The following ITGA9 variants were observed in gnomAD, a reference collection of about 807,000 sequenced individuals.
ITGA9 encodes the protein integrin alpha-9.
In ITGA9, 56 loss-of-function variants were observed where a neutral mutation model predicts 127.8. The ratio of observed to expected loss-of-function variants is 0.44; its 90% CI spans 0.35 to 0.55. The LOEUF is 0.55. Ranked by LOEUF, ITGA9 falls within the 20% of genes least tolerant of loss-of-function variation. ITGA9 has a pLI of 0.00. For missense variants in ITGA9, 1,196 were observed against 1,347.1 expected, an observed-to-expected ratio of 0.89 and a Z score of 1.76; for synonymous variants, 508 against 514.5, an observed-to-expected ratio of 0.99 and a Z score of 0.17.
chr3:37,646,229 T>A (rs1700375061), intron 16 of ITGA9, among the ~76,000 whole-genome samples: 1 of 152,364 alleles, frequency 6.6e-6, no homozygotes, highest in South Asian at 2.1e-4. Flanking sequence ...TTATGTATTA[T>A]CTATGGCTGC....
chr3:37,489,517 C>T (rs1698645159), intron 4 of ITGA9, among the ~76,000 whole-genome samples: 1 of 152,192 alleles, frequency 6.6e-6, no homozygotes, highest in African/African-American at 2.4e-5. Flanking sequence ...TGGCTTTATG[C>T]ACTTTGTGTT....
chr3:37,765,925 T>C lies in ITGA9; in HGVS notation c.2542-11467T>C, dbSNP rs1696775022. 2.0e-5 allele frequency among the ~76,000 whole-genome samples: 3 copies of C among 152,254 alleles called. No homozygotes were observed. In the South Asian group the frequency reaches 6.2e-4, roughly 32 times the overall value. ...AAGCATTAACACTTTGTTGCCAGCA[T>C]GTAGGCTAGTTGAATGCCGATGCGT... On this transcript the variant is annotated intron_variant, in intron 23 of 27. Coordinates refer to ENST00000264741, the MANE Select transcript of ITGA9 (RefSeq NM_002207.3).
intron 27 of ITGA9, among the ~76,000 whole-genome samples, chr3:37,815,606 C>A (rs151286785): frequency 0.025 from 3,470 of 140,762 alleles, 53 homozygotes; most frequent in East Asian, 0.059. Context: ...GAGACTCTGT[C>A]TCAAAAAAAA....
chr3:37,512,488 A>G (rs180780086), intron 8 of ITGA9, among the ~76,000 whole-genome samples: 35 of 152,040 alleles, frequency 2.3e-4, no homozygotes, highest in African/African-American at 8.2e-4. Context: ...CTGGGAGTAC[A>G]GGCGTGAGTC....
At chr3:37,599,981 A>G (rs978416337) in intron 15 of ITGA9, among the ~76,000 whole-genome samples, 8 of 152,172 alleles carry the variant, frequency 5.3e-5, no homozygotes, top group Admixed American at 3.3e-4. Context: ...TAAGGAATGC[A>G]TAGTCAGCTA....
chr3:37,679,895 A>G (rs919990741), intron 17 of ITGA9, among the ~76,000 whole-genome samples: 1 of 152,172 alleles, frequency 6.6e-6, no homozygotes, highest in Non-Finnish European at 1.5e-5. Flanking sequence ...GACAGTCCTC[A>G]ACCAAAAAGC....
chr3:37,514,953 A>C (rs1038241356), intron 9 of ITGA9, among the ~76,000 whole-genome samples: 1 of 140,142 alleles, frequency 7.1e-6, no homozygotes, highest in Non-Finnish European at 1.6e-5. Context: ...TAGCTAATGG[A>C]GGGTGGGTGA....
chr3:37,512,018 CTTTTCTTTTCTTT>C (rs1365580557), intron 8 of ITGA9, among the ~76,000 whole-genome samples: 14 of 33,108 alleles, frequency 4.2e-4, no homozygotes, highest in African/African-American at 7.7e-4. Flanking sequence ...CTTTTCTTTT[CTTTTCTTTTCTTT>C]CTTTCTTTCT....
At chr3:37,786,364 A>G (rs563458177) in intron 26 of ITGA9, among the ~76,000 whole-genome samples, 21 of 152,294 alleles carry the variant, frequency 1.4e-4, no homozygotes, top group African/African-American at 5.1e-4. Context: ...TAGAAAATAA[A>G]TGCTGGGCAG....
At chr3:37,497,629 C>G (rs896021063) in intron 5 of ITGA9, among the ~76,000 whole-genome samples, 87 of 152,142 alleles carry the variant, frequency 5.7e-4, no homozygotes, top group African/African-American at 2.0e-3. Context: ...GTTGGTTGTT[C>G]TGATACTGGT....
chr3:37,707,099 A>G (rs1341184271), intron 18 of ITGA9, among the ~76,000 whole-genome samples: 2 of 152,250 alleles, frequency 1.3e-5, no homozygotes, highest in African/African-American at 4.8e-5. Flanking sequence ...TTATCAGCTA[A>G]GCAAATAAAA....
chr3:37,729,153 C>T (rs965546467), intron 18 of ITGA9, among the ~76,000 whole-genome samples: 5 of 152,042 alleles, frequency 3.3e-5, no homozygotes, highest in Non-Finnish European at 7.4e-5. Flanking sequence ...GTACTGCTTG[C>T]CAAAGCCCAT....
At chr3:37,510,370 C>A (rs542478801) in intron 8 of ITGA9, among the ~76,000 whole-genome samples, 1 of 152,118 alleles carries the variant, frequency 6.6e-6, no homozygotes, top group Non-Finnish European at 1.5e-5. Context: ...CTGTGCCCCC[C>A]CAAACTGCTT....
intron 26 of ITGA9, among the ~76,000 whole-genome samples, chr3:37,798,719 T>TTA (rs1208823184): frequency 6.6e-6 from 1 of 152,246 alleles, no homozygotes; most frequent in African/African-American, 2.4e-5. Flanking sequence ...ATTTATTGCC[T>TTA]TGTAGGGTAT....
At chr3:37,713,879 G>A (rs1701105087) in intron 18 of ITGA9, among the ~76,000 whole-genome samples, 1 of 152,178 alleles carries the variant, frequency 6.6e-6, no homozygotes, top group Non-Finnish European at 1.5e-5. Flanking sequence ...TTTTATTTCT[G>A]GTTGGGAAAC....
At position 37,503,224 on chromosome 3, in the gene ITGA9, C is replaced by A. The variant is rs970338498; in HGVS notation, c.659C>A (p.Thr220Asn). 6.2e-7 allele frequency: 1 copy of A among 1,613,896 alleles called. No homozygotes were observed. Among genetic ancestry groups the A allele is most frequent in the Non-Finnish European group, 8.5e-7 (1 of 1,179,962 alleles). Residue 220 changes from threonine to asparagine, a missense_variant, in exon 6 of 28, where the codon ACC becomes AAC. Coordinates refer to ENST00000264741, the MANE Select transcript of ITGA9 (RefSeq NM_002207.3). ...GAPGSFYWAGTIKVLNLTDNT... is the reference protein window; with the variant it reads ...GAPGSFYWAGNIKVLNLTDNT... ...CCAGGGTCATTTTATTGGGCTGGAA[C>A]CATCAAAGTGCTGAACCTTACGGAC...
At chr3:37,740,063 G>A (rs1045376793) in intron 20 of ITGA9, among the ~76,000 whole-genome samples, 3 of 152,210 alleles carry the variant, frequency 2.0e-5, no homozygotes, top group East Asian at 1.9e-4. Flanking sequence ...TGGGGTCAGC[G>A]TCACACAGCA....
At chr3:37,498,181 G>A (rs1039860030) in intron 5 of ITGA9, among the ~76,000 whole-genome samples, 1 of 152,220 alleles carries the variant, frequency 6.6e-6, no homozygotes, top group African/African-American at 2.4e-5. Context: ...GACACAGGGA[G>A]TGTGCGATGT....
At chr3:37,549,224 G>A (rs1035578453) in intron 15 of ITGA9, among the ~76,000 whole-genome samples, 3 of 152,326 alleles carry the variant, frequency 2.0e-5, no homozygotes, top group African/African-American at 4.8e-5. Flanking sequence ...TCTCCGATGA[G>A]CACTGTTTGG....
Sources: gnomAD v4.1 joint callset for allele counts (sites outside exome capture counted in the v4.1 genomes callset) on GRCh38, gnomAD v4.1.1 for gene constraint, MANE v1.5 for transcripts, NCBI Gene and HGNC (gene_info 2026-07-23, HGNC 2026-07-21) for gene names.